Variants in MTHFD2L observed in about 807,000 individuals in gnomAD.
MTHFD2L encodes the protein methylenetetrahydrofolate dehydrogenase (NADP+ dependent) 2 like, also known as bifunctional methylenetetrahydrofolate dehydrogenase/cyclohydrolase 2, mitochondrial.
Under a neutral mutation model 34.9 loss-of-function variants are expected in MTHFD2L, and 29 were observed. The ratio of observed to expected loss-of-function variants is 0.83; its 90% CI spans 0.62 to 1.13. The LOEUF (loss-of-function observed/expected upper bound fraction) is 1.13. MTHFD2L is among the 50% of genes most tolerant of loss of function. The probability of loss-of-function intolerance (pLI) is 0.00; values close to 1 mark genes in which losing one functional copy is unlikely to be tolerated. For synonymous variants in MTHFD2L, 167 were observed against 155.7 expected, an observed-to-expected ratio of 1.07 and a Z score of -0.54; for missense variants, 481 against 446.5, an observed-to-expected ratio of 1.08 and a Z score of -0.70.
intron 7 of MTHFD2L, among the ~76,000 whole-genome samples, chr4:74,292,621 T>C (rs1749098991): frequency 6.6e-6 from 1 of 152,146 alleles, no homozygotes; most frequent in Non-Finnish European, 1.5e-5. Flanking sequence ...GAGTGTATGA[T>C]GATCTTGTAT....
chr4:74,178,936 C>A (rs931401029), intron 3 of MTHFD2L, among the ~76,000 whole-genome samples: 6 of 152,032 alleles, frequency 3.9e-5, no homozygotes, highest in African/African-American at 7.2e-5. Context: ...CAAGAATACT[C>A]TTACCGATTA....
In MTHFD2L at chr4:74,265,243, T is replaced by C. The variant is rs74423115; in HGVS notation, c.806-16182T>C. On this transcript the variant is annotated intron_variant, in intron 6 of 7. Coordinates refer to ENST00000325278, the MANE Select transcript of MTHFD2L (RefSeq NM_001144978.3). ...TTCATTTGTTTGTAATTCAACTGGC[T>C]TATTTATGTGTCTGCAAGTCTGCCA... Among the ~76,000 whole-genome samples the C allele has an allele frequency of 8.0e-3, 1,220 of 152,256 alleles. 18 individuals carry two copies. Among genetic ancestry groups the C allele is most frequent in the African/African-American group, 0.027 (1,123 of 41,548 alleles).
intron 3 of MTHFD2L, among the ~76,000 whole-genome samples, chr4:74,197,860 A>C (rs530111693): frequency 6.6e-6 from 1 of 152,324 alleles, no homozygotes; most frequent in South Asian, 2.1e-4. Flanking sequence ...TGTATACTAC[A>C]TAGTAATAGG....
intron 3 of MTHFD2L, among the ~76,000 whole-genome samples, chr4:74,199,214 A>C (rs1233535753): frequency 6.6e-6 from 1 of 152,032 alleles, no homozygotes; most frequent in Admixed American, 6.5e-5. Context: ...TTTCTTCCAT[A>C]TAGCAAATCA....
At chr4:74,167,788 A>T (rs1319459637) in intron 1 of MTHFD2L, among the ~76,000 whole-genome samples, 1 of 152,230 alleles carries the variant, frequency 6.6e-6, no homozygotes, top group African/African-American at 2.4e-5. Context: ...GTGTTCTTTA[A>T]CAGTGAGGCT....
chr4:74,179,588 C>CACAT (rs1173510836), intron 3 of MTHFD2L, among the ~76,000 whole-genome samples: 1 of 152,040 alleles, frequency 6.6e-6, no homozygotes, highest in Non-Finnish European at 1.5e-5. Flanking sequence ...ATTTACTGAC[C>CACAT]GTTACTTAAC....
intron 1 of MTHFD2L, among the ~76,000 whole-genome samples, chr4:74,147,962 C>A (rs1258416965): frequency 6.6e-6 from 1 of 152,000 alleles, no homozygotes; most frequent in Admixed American, 6.6e-5. Flanking sequence ...CTCTTGATTG[C>A]TTTTTCACTC....
At chr4:74,160,224 C>T (rs1241977546) in intron 1 of MTHFD2L, 7 of 598,492 alleles carry the variant, frequency 1.2e-5, no homozygotes, top group African/African-American at 1.9e-5. Flanking sequence ...ATGAAATTTA[C>T]ACCTTAGTGT....
intron 6 of MTHFD2L, among the ~76,000 whole-genome samples, chr4:74,237,649 T>C (rs1386627133): frequency 1.3e-5 from 2 of 152,162 alleles, no homozygotes; most frequent in Non-Finnish European, 2.9e-5. Flanking sequence ...ATCTTGATCT[T>C]GGTTTAAGCT....
intron 1 of MTHFD2L, among the ~76,000 whole-genome samples, chr4:74,142,071 G>A (rs1723302877): frequency 2.0e-5 from 3 of 152,140 alleles, no homozygotes; most frequent in African/African-American, 4.8e-5. Flanking sequence ...AAGAACCAAC[G>A]ATTCTCCTAT....
intron 6 of MTHFD2L, chr4:74,268,227 C>A (rs1745549997): frequency 1.0e-6 from 1 of 981,746 alleles, no homozygotes; most frequent in Non-Finnish European, 1.2e-6. Context: ...ATGCATTTAG[C>A]CATTATATTA....
At chr4:74,294,726 A>G (rs532530312) in intron 7 of MTHFD2L, among the ~76,000 whole-genome samples, 3 of 152,130 alleles carry the variant, frequency 2.0e-5, no homozygotes, top group African/African-American at 4.8e-5. Flanking sequence ...CACTGTACCT[A>G]TTGTTCTTAT....
At position 74,170,872 on chromosome 4, in the gene MTHFD2L, G is replaced by GC. The variant is rs1283588874; in HGVS notation, c.144-3633dup. 1.6e-4 allele frequency among the ~76,000 whole-genome samples: 24 copies of GC among 149,412 alleles called. 1 individual carries two copies. Among genetic ancestry groups the GC allele is most frequent in the South Asian group, 4.2e-4 (2 of 4,722 alleles). Reference sequence around the variant, plus strand: ...AAACCATCATTCTCAGCAAACTATCGCAAGGACAAAAAACCAAACACTGCA... The same window carrying GC: ...AAACCATCATTCTCAGCAAACTATCGCCAAGGACAAAAAACCAAACACTGCA... On this transcript the variant is annotated intron_variant, in intron 1 of 7. Coordinates refer to ENST00000325278, the MANE Select transcript of MTHFD2L (RefSeq NM_001144978.3).
In MTHFD2L at chr4:74,297,268, C is replaced by T. The variant is rs564300425; in HGVS notation, c.932-4429C>T. Among the ~76,000 whole-genome samples, 11 of 152,144 alleles carry T rather than the reference C, an allele frequency of 7.2e-5. No individual in the cohort carries two copies. In the South Asian group the frequency reaches 1.0e-3, roughly 14 times the overall value. On this transcript the variant is annotated intron_variant, in intron 7 of 7. Transcript: ENST00000325278. ...CTCATTCTCCAGAGCAAGTTTAATG[C>T]GGACAATAAGATTTGGTGATTGTTT...
chr4:74,280,198 C>T (rs950623002), intron 6 of MTHFD2L: 7 of 152,078 alleles, frequency 4.6e-5, no homozygotes, highest in African/African-American at 1.2e-4. Context: ...TGTTCCTCCT[C>T]GTGATCTGAG....
Position 74,139,921 on chromosome 4 carries a change from T to A in MTHFD2L, c.-297+14404T>A, listed in dbSNP as rs1578244519. On this transcript the variant is annotated intron_variant, in intron 1 of 7. Transcript: ENST00000433372. The stretch of plus-strand genomic sequence containing the variant: ...ATTTTGGCTATACCACTTACTAGAT[T>A]TGTAACTTGGGTCAAGCTCCTTAAT... 2.6e-5 allele frequency among the ~76,000 whole-genome samples: 4 copies of A among 152,186 alleles called. No individual in the cohort carries two copies. The East Asian group carries it at 7.7e-4, about 29-fold the overall frequency.
chr4:74,180,500 G>C lies in MTHFD2L; in HGVS notation c.451+5097G>C, dbSNP rs145120391. On this transcript the variant is annotated intron_variant, in intron 3 of 7. Transcript: ENST00000325278. ...TTTCTCACAATTATGGCAATGTCTT[G>C]AGTAAAATAAATTCCAAGTTAGAAT... is the stretch of plus-strand genomic sequence containing the variant. Among the ~76,000 whole-genome samples, 877 of 152,122 alleles carry C rather than the reference G, an allele frequency of 5.8e-3. 15 individuals are homozygous for C. Among genetic ancestry groups the C allele is most frequent in the African/African-American group, 0.02 (851 of 41,522 alleles).
chr4:74,184,598 G>A (rs548108669), intron 3 of MTHFD2L, among the ~76,000 whole-genome samples: 12 of 152,066 alleles, frequency 7.9e-5, no homozygotes, highest in Non-Finnish European at 1.3e-4. Flanking sequence ...TCTTAATAAT[G>A]GAGAAAACAA....
At chr4:74,162,909 C>T (rs1347137068) in intron 1 of MTHFD2L, among the ~76,000 whole-genome samples, 1 of 152,104 alleles carries the variant, frequency 6.6e-6, no homozygotes, top group Non-Finnish European at 1.5e-5. Context: ...AATATTAAAT[C>T]TCATACAACT....
Sources: allele counts gnomAD v4.1 joint callset (sites outside exome capture counted in the v4.1 genomes callset), GRCh38; gene constraint gnomAD v4.1.1; transcripts MANE v1.5; gene names NCBI Gene and HGNC (gene_info 2026-07-23, HGNC 2026-07-21).